Variants in MFN2 observed in about 807,000 individuals in gnomAD.
MFN2 encodes mitofusin-2.
MFN2 carries 43 observed loss-of-function variants against 87.5 expected under a neutral mutation model. The observed-to-expected ratio is 0.49, with a 90% CI of 0.38 to 0.63. The LOEUF (loss-of-function observed/expected upper bound fraction) is 0.63. Among genes scored for constraint, MFN2 ranks in the 30% least tolerant of loss-of-function variants. MFN2 has a pLI of 0.00. For missense variants in MFN2, 743 were observed against 972.8 expected (o/e 0.76, Z 3.14); for synonymous variants, 337 against 359.9 (o/e 0.94, Z 0.72).
intron 11 of MFN2, among the ~76,000 whole-genome samples, chr1:12,002,619 TC>T (rs1639229235): frequency 6.6e-6 from 1 of 152,136 alleles, no homozygotes; most frequent in Admixed American, 6.6e-5. Context: ...GCCCAGGAGT[TC>T]AGGGTTCCAG....
intron 10 of MFN2, 25 bp downstream of exon 10, chr1:12,001,861 G>A: frequency 6.2e-7 from 1 of 1,613,960 alleles, no homozygotes; most frequent in Non-Finnish European, 8.5e-7. Context: ...TCTGGTATCT[G>A]GCGATTCTGT....
In MFN2 at chr1:12,001,971, G is replaced by T. The variant is rs777588423; in HGVS notation, c.1039-11G>T. 3 of 1,614,022 alleles carry T rather than the reference G, an allele frequency of 1.9e-6. No homozygotes were observed. The highest frequency in any genetic ancestry group is 2.5e-6 in the Non-Finnish European group (3 of 1,179,874). ...GGCCCCCACCTCCCTCCGTGCCTCT[G>T]TGTGTTCCAGGAGTGCATCTCCCAG... On this transcript the variant is annotated splice_polypyrimidine_tract_variant and intron_variant, in intron 10 of 18. Transcript: ENST00000235329.
rs529783587 is a variant in MFN2 at position 12,009,004 on chromosome 1, C to T, written c.2070-588C>T. Among the ~76,000 whole-genome samples the T allele has an allele frequency of 3.2e-3, 494 of 152,364 alleles. 4 individuals carry two copies. The highest frequency in any genetic ancestry group is 0.011 in the African/African-American group (469 of 41,600). On this transcript the variant is annotated intron_variant, in intron 17 of 18. Coordinates refer to ENST00000235329, the MANE Select transcript of MFN2 (RefSeq NM_014874.4). ...CTGCCGGTTAGGAGCTGGAGACCAG[C>T]GCGGCCAACACAGCGAAACCCCATC...
intron 2 of MFN2, among the ~76,000 whole-genome samples, chr1:11,987,384 C>G (rs1486702785): frequency 1.3e-5 from 2 of 150,982 alleles, no homozygotes; most frequent in Non-Finnish European, 2.9e-5. Context: ...AATCCCAGCA[C>G]TTTCGGAGGA....
At chr1:12,011,420 G>T in intron 18 of MFN2, 76 bp from the exon 19 acceptor site, 1 of 1,459,786 alleles carries the variant, frequency 6.9e-7, no homozygotes, top group East Asian at 2.3e-5. Flanking sequence ...AGCGTCCTTA[G>T]GATGGTGCCT....
At chr1:11,996,354 G>C (rs1638907381) in intron 5 of MFN2, 36 bp downstream of exon 5, 2 of 1,612,984 alleles carry the variant, frequency 1.2e-6, no homozygotes, top group Non-Finnish European at 1.7e-6. Context: ...CCCTGTGCCT[G>C]CTGGGGGAGC....
Position 12,012,595 on chromosome 1 carries a change from C to T in MFN2, c.*1030C>T, listed in dbSNP as rs1347055569. The T allele has an allele frequency of 2.0e-5, 3 of 152,244 alleles. No individual in the cohort carries two copies. Among genetic ancestry groups the T allele is most frequent in the East Asian group, 1.9e-4 (1 of 5,194 alleles). 9.4% of individuals were successfully genotyped at this position (152,244 alleles called of 1,614,324 possible). Reference sequence around the variant, plus strand: ...CCCTTTAAGAGACATGTTTCCACCCCACCCCCAACCTTGTCCCAAGTGCCC... The same window carrying T: ...CCCTTTAAGAGACATGTTTCCACCCTACCCCCAACCTTGTCCCAAGTGCCC... On this transcript the variant is annotated 3_prime_UTR_variant, in exon 19 of 19. Coordinates refer to ENST00000235329, the MANE Select transcript of MFN2 (RefSeq NM_014874.4).
At chr1:11,991,969 G>A (rs1403998207) in intron 3 of MFN2, among the ~76,000 whole-genome samples, 1 of 143,846 alleles carries the variant, frequency 7.0e-6, no homozygotes, top group African/African-American at 2.6e-5. Context: ...ACATAGAGTG[G>A]TTAAGAGCCT....
rs119103267 is a variant in MFN2, at chr1:12,009,641, C to T, written c.2119C>T (p.Arg707Trp). Residue 707 changes from arginine to tryptophan, a missense_variant, in exon 18 of 19, where the codon CGG (arginine) becomes TGG (tryptophan). Transcript: ENST00000235329. ...AHLCQQVDVT[R>W]ENLEQEIAAM... ...TCTGTGTCAGCAAGTTGACGTCACCCGGGAGAACCTGGAGCAGGAAATTGC... is the reference window on the plus strand; with the variant it reads ...TCTGTGTCAGCAAGTTGACGTCACCTGGGAGAACCTGGAGCAGGAAATTGC... 731 of 1,614,174 alleles carry T rather than the reference C, an allele frequency of 4.5e-4. 1 individual carries two copies. Among genetic ancestry groups the T allele is most frequent in the Non-Finnish European group, 5.8e-4 (685 of 1,180,034 alleles).
rs978557671 is a variant in MFN2, at chr1:12,007,315, C to T, written c.2069+66C>T. On this transcript the variant is annotated intron_variant, in intron 17 of 18. Coordinates refer to ENST00000235329, the MANE Select transcript of MFN2 (RefSeq NM_014874.4). ...GGCAGGGTCAGCCCCATCTCCCTTC[C>T]CCATCTCTCTTCCCACGTGGCCTGG... is the stretch of plus-strand genomic sequence containing the variant. 21 of 1,564,212 alleles carry T rather than the reference C, an allele frequency of 1.3e-5. No homozygotes were observed. The African/African-American group carries it at 2.7e-4, about 20-fold the overall frequency.
chr1:12,007,047 C>A lies in MFN2; in HGVS notation c.1873-6C>A. 6.2e-7 allele frequency: 1 copy of A among 1,613,294 alleles called. No individual in the cohort carries two copies. Among genetic ancestry groups the A allele is most frequent in the South Asian group, 1.1e-5 (1 of 91,042 alleles). On this transcript the variant is annotated splice_polypyrimidine_tract_variant and splice_region_variant and intron_variant, in intron 16 of 18. Transcript: ENST00000235329. ...CTGCACTCCAGGCTGACCATGTGCTCTGCAGGTGTGGAAGGCAGTGGGCTG... is the reference window on the plus strand; with the variant it reads ...CTGCACTCCAGGCTGACCATGTGCTATGCAGGTGTGGAAGGCAGTGGGCTG...
intron 9 of MFN2, 40 bp from the exon 10 acceptor site, chr1:12,001,729 G>A: frequency 3.7e-6 from 6 of 1,612,030 alleles, no homozygotes; most frequent in Non-Finnish European, 5.1e-6. Flanking sequence ...TTCCTCTGCT[G>A]CCAAGTTGTT....
intron 5 of MFN2, among the ~76,000 whole-genome samples, chr1:11,996,766 G>T (rs1259268025): frequency 6.6e-6 from 1 of 152,128 alleles, no homozygotes; most frequent in South Asian, 2.1e-4. Context: ...GGTCGGGCAC[G>T]GTGGCTCACG....
Position 12,004,215 on chromosome 1 carries a change from C to T in MFN2, c.1287+97C>T. ...TCCTCTTAGGGACTTCTCAGCCTTT[C>T]AGAAGAAAGTTGTGGCCCTGTTTCA... is the stretch of plus-strand genomic sequence containing the variant. On this transcript the variant is annotated intron_variant, in intron 12 of 18. Coordinates refer to ENST00000235329, the MANE Select transcript of MFN2 (RefSeq NM_014874.4). The surrounding 1 kb of genome is among the most constrained non-coding windows in gnomAD (Gnocchi z 4.2). 6.6e-7 allele frequency: 1 copy of T among 1,522,900 alleles called. No homozygotes were observed. The allele number at this position is 1,522,900 out of a possible 1,614,324, so 94.3% of individuals were successfully genotyped here.
intron 17 of MFN2, 105 bp downstream of exon 17, chr1:12,007,354 C>A (rs1639471448): frequency 7.2e-6 from 10 of 1,389,540 alleles, no homozygotes; most frequent in Non-Finnish European, 1.0e-5. Flanking sequence ...CCACTGGGTC[C>A]TAAGCATCGT....
intron 6 of MFN2, among the ~76,000 whole-genome samples, chr1:11,997,962 C>T (rs1444345119): frequency 2.7e-5 from 4 of 146,438 alleles, no homozygotes; most frequent in Non-Finnish European, 5.9e-5. Flanking sequence ...CGGCTCACTG[C>T]AACCTCCGCC....
rs79244021 is a variant in MFN2 at position 11,996,018 on chromosome 1, C to G, written c.312-138C>G. 6.4e-3 allele frequency: 6,779 copies of G among 1,062,790 alleles called. 290 individuals are homozygous for G. In the African/African-American group the frequency reaches 0.091, roughly 14 times the overall value. 65.8% of individuals were successfully genotyped at this position (1,062,790 alleles called of 1,614,324 possible). A position where few individuals can be genotyped will look rare whatever the true frequency, so the allele number is the denominator to read the frequency against. ...TTCATTTTAATAAACAGTGCCTACT[C>G]TTTGTCTCTCAGCACTGTCTGGGCA... On this transcript the variant is annotated intron_variant, in intron 4 of 18. Coordinates refer to ENST00000235329, the MANE Select transcript of MFN2 (RefSeq NM_014874.4).
In MFN2 at chr1:11,996,148, C is replaced by T; in HGVS notation, c.312-8C>T. On this transcript the variant is annotated splice_region_variant and splice_polypyrimidine_tract_variant and intron_variant, in intron 4 of 18. Coordinates refer to ENST00000235329, the MANE Select transcript of MFN2 (RefSeq NM_014874.4). Reference sequence around the variant, plus strand: ...GTGGCTTTGCTGACAGCTGTTACTTCCTTCTAGGACGAGCAATGGGAAGAG... The same window carrying T: ...GTGGCTTTGCTGACAGCTGTTACTTTCTTCTAGGACGAGCAATGGGAAGAG... 6.2e-7 allele frequency: 1 copy of T among 1,614,152 alleles called. No homozygotes were observed. Among genetic ancestry groups the T allele is most frequent in the Non-Finnish European group, 8.5e-7 (1 of 1,180,030 alleles).
intron 14 of MFN2, 55 bp from the exon 15 acceptor site, chr1:12,005,656 C>T (rs1463105543): frequency 6.5e-6 from 10 of 1,547,704 alleles, no homozygotes; most frequent in East Asian, 2.2e-5. Flanking sequence ...GGCTTGGTGC[C>T]GCTGTGGTGC....
Sources: allele counts gnomAD v4.1 joint callset (sites outside exome capture counted in the v4.1 genomes callset), GRCh38; gene constraint gnomAD v4.1.1; non-coding constraint Gnocchi (gnomAD v3.1); transcripts MANE v1.5; gene names NCBI Gene and HGNC (gene_info 2026-07-23, HGNC 2026-07-21).